The following POLR1A variants were observed in gnomAD, a reference collection of about 807,000 sequenced individuals.
POLR1A encodes RNA polymerase I subunit A.
In POLR1A, 84 loss-of-function variants were observed where a neutral mutation model predicts 205.3. The observed-to-expected ratio is 0.41, with a 90% CI of 0.34 to 0.49. The LOEUF (loss-of-function observed/expected upper bound fraction) is 0.49. Among genes scored for constraint, POLR1A ranks in the 20% least tolerant of loss-of-function variants. The pLI, the probability that POLR1A is intolerant of heterozygous loss-of-function variation, is 0.22. For missense variants in POLR1A, 1,645 were observed against 2,204.5 expected (o/e 0.75, Z 5.08); for synonymous variants, 799 against 863.7 (o/e 0.93, Z 1.31).
At chr2:86,085,314 G>C (rs1305110372) in intron 6 of POLR1A, among the ~76,000 whole-genome samples, 1 of 152,130 alleles carries the variant, frequency 6.6e-6, no homozygotes, top group African/African-American at 2.4e-5. Flanking sequence ...AATTCCTTAG[G>C]ATAAAGTCAT....
intron 1 of POLR1A, among the ~76,000 whole-genome samples, chr2:86,104,104 T>C (rs1450844702): frequency 1.3e-5 from 2 of 152,160 alleles, no homozygotes; most frequent in Non-Finnish European, 1.5e-5. Flanking sequence ...GGAGAACATT[T>C]GGAGGGTTTT....
intron 9 of POLR1A, among the ~76,000 whole-genome samples, 173 bp from the exon 10 acceptor site, chr2:86,078,457 A>G (rs967227479): frequency 4.6e-5 from 7 of 152,248 alleles, no homozygotes; most frequent in African/African-American, 1.4e-4. Context: ...TTGTAAGTAC[A>G]TGTCAATAAG....
intron 1 of POLR1A, among the ~76,000 whole-genome samples, chr2:86,105,176 A>C (rs1673902274): frequency 6.6e-6 from 1 of 152,222 alleles, no homozygotes; most frequent in Non-Finnish European, 1.5e-5. Context: ...TTCTGGAAGA[A>C]AGGAAAGTTT....
intron 12 of POLR1A, among the ~76,000 whole-genome samples, chr2:86,071,978 T>C (rs1372401406): frequency 1.3e-5 from 2 of 152,132 alleles, no homozygotes; most frequent in Non-Finnish European, 2.9e-5. Flanking sequence ...CAACAAATTA[T>C]TGGAAGTCTA....
At chr2:86,088,720 T>C (rs1317702609) in intron 5 of POLR1A, 51 bp from the exon 6 acceptor site, 1 of 1,597,548 alleles carries the variant, frequency 6.3e-7, no homozygotes, top group African/African-American at 1.3e-5. Flanking sequence ...CAGTAAGATA[T>C]TTAATAATAG....
chr2:86,031,589 T>C lies in POLR1A; in HGVS notation c.4319A>G (p.Asn1440Ser), dbSNP rs1375753091. The change falls in exon 30 of 34, where the codon AAC becomes AGC. Residue 1440 changes from asparagine (N) to serine (S), a missense_variant. Physicochemically the swap from Asn to Ser is conservative, Grantham distance 46. Around this residue, in one of 16 missense-constraint regions of POLR1A, gnomAD observed 394 missense variants for 468.5 expected, o/e 0.84. Transcript: ENST00000263857. Reference sequence around the variant, plus strand: ...TTCCTCCTGCATGTCTTCATCGTCGTTCTCCTCGCCCTCCCTCTCCTCCTC... The same window carrying C: ...TTCCTCCTGCATGTCTTCATCGTCGCTCTCCTCGCCCTCCCTCTCCTCCTC... ...EEEEEREGEENDDEDMQEERN... is the reference protein window; with the variant it reads ...EEEEEREGEESDDEDMQEERN... The C allele has an allele frequency of 4.3e-6, 7 of 1,613,786 alleles. No individual in the cohort carries two copies. The highest frequency in any genetic ancestry group is 5.1e-6 in the Non-Finnish European group (6 of 1,179,714).
intron 9 of POLR1A, 113 bp downstream of exon 9, chr2:86,080,703 G>T: frequency 9.6e-7 from 1 of 1,043,032 alleles, no homozygotes; most frequent in Non-Finnish European, 1.4e-6. Flanking sequence ...GCTGCTGCCA[G>T]CTGCACAGAA....
intron 12 of POLR1A, among the ~76,000 whole-genome samples, chr2:86,072,452 G>A (rs1025401891): frequency 6.6e-6 from 1 of 152,368 alleles, no homozygotes; most frequent in African/African-American, 2.4e-5. Context: ...ATCCTCCAGC[G>A]TAAGCAAACT....
chr2:86,055,627 C>A (rs1672882307), intron 14 of POLR1A, among the ~76,000 whole-genome samples: 1 of 152,186 alleles, frequency 6.6e-6, no homozygotes, highest in Non-Finnish European at 1.5e-5. Flanking sequence ...AAGACTGGAA[C>A]TTGGTGTGAA....
At chr2:86,079,071 T>C (rs1029510178) in intron 9 of POLR1A, among the ~76,000 whole-genome samples, 1 of 152,040 alleles carries the variant, frequency 6.6e-6, no homozygotes, top group Non-Finnish European at 1.5e-5. Flanking sequence ...AGAAGAAACC[T>C]GTCAGTGTCT....
intron 1 of POLR1A, among the ~76,000 whole-genome samples, chr2:86,102,384 A>G (rs1470563526): frequency 6.6e-6 from 1 of 152,342 alleles, no homozygotes; most frequent in Admixed American, 6.5e-5. Flanking sequence ...GTGATGTTCA[A>G]CATCTTTTCA....
chr2:86,096,491 C>T (rs1443006232), intron 3 of POLR1A, among the ~76,000 whole-genome samples: 10 of 151,758 alleles, frequency 6.6e-5, no homozygotes, highest in Admixed American at 6.6e-4. Context: ...GTAAAAAGAA[C>T]AAAGCTGGAG....
At chr2:86,069,927 G>C in intron 13 of POLR1A, 91 bp downstream of exon 13, 1 of 1,418,356 alleles carries the variant, frequency 7.1e-7, no homozygotes, top group African/African-American at 1.4e-5. Flanking sequence ...TCCTGGAGCT[G>C]CCCAATGACC....
chr2:86,027,775 C>A (rs548780171), intron 33 of POLR1A, 110 bp downstream of exon 33: 3 of 1,284,722 alleles, frequency 2.3e-6, no homozygotes, highest in Admixed American at 3.6e-5. Flanking sequence ...CCCCTCAGAT[C>A]CCAAGATCCC....
chr2:86,104,256 T>C (rs1444491080), intron 1 of POLR1A, among the ~76,000 whole-genome samples: 1 of 151,966 alleles, frequency 6.6e-6, no homozygotes, highest in African/African-American at 2.4e-5. Context: ...GGCAACACAG[T>C]AGCAATTGGG....
chr2:86,027,589 T>C (rs963990020), intron 33 of POLR1A, 66 bp from the exon 34 acceptor site: 2 of 1,375,578 alleles, frequency 1.5e-6, no homozygotes, highest in African/African-American at 1.4e-5. Context: ...ATGAGGTGAT[T>C]ATGGGGCTGA....
chr2:86,044,678 C>G (rs1672679657), intron 21 of POLR1A, among the ~76,000 whole-genome samples: 1 of 152,188 alleles, frequency 6.6e-6, no homozygotes, highest in South Asian at 2.1e-4. Flanking sequence ...ACGGGCGAAG[C>G]AGGGGAGCTG....
intron 27 of POLR1A, among the ~76,000 whole-genome samples, chr2:86,038,283 T>C (rs932510575): frequency 6.6e-6 from 1 of 152,248 alleles, no homozygotes; most frequent in Non-Finnish European, 1.5e-5. Flanking sequence ...AGAATCTAAA[T>C]GCATCAGGAA....
chr2:86,046,427 C>T lies in POLR1A; in HGVS notation c.2734-658G>A, dbSNP rs1353656621. Among the ~76,000 whole-genome samples, 10 of 152,298 alleles carry T rather than the reference C, an allele frequency of 6.6e-5. No individual in the cohort carries two copies. The South Asian group carries it at 1.2e-3, about 19-fold the overall frequency. On this transcript the variant is annotated intron_variant, in intron 19 of 33. Transcript: ENST00000263857. ...TCGATGTAGTCAGGGGATTTCCTAA[C>T]GGCTTTCGGCCTTTCTGTTGTCACA...
Sources: allele counts gnomAD v4.1 joint callset (sites outside exome capture counted in the v4.1 genomes callset), GRCh38; gene constraint gnomAD v4.1.1; regional missense constraint gnomAD v4.1.1; transcripts MANE v1.5; gene names NCBI Gene and HGNC (gene_info 2026-07-23, HGNC 2026-07-21).